The following ACAP2 variants were observed in gnomAD, a reference collection of about 807,000 sequenced individuals.
The protein encoded by ACAP2 is arf-GAP with coiled-coil, ANK repeat and PH domain-containing protein 2.
Under a neutral mutation model 115.8 loss-of-function variants are expected in ACAP2, and 39 were observed. That is an observed-to-expected ratio of 0.34 (90% CI 0.26 to 0.44). ACAP2 has a LOEUF of 0.44. ACAP2 is among the 20% of genes least tolerant of loss of function. The probability of loss-of-function intolerance (pLI) is 1.00; values close to 1 mark genes in which losing one functional copy is unlikely to be tolerated. For missense variants in ACAP2, 662 were observed against 927.6 expected (o/e 0.71, Z 3.72); for synonymous variants, 289 against 315.8 (o/e 0.92, Z 0.90).
At chr3:195,351,745 G>C (rs1731625370) in intron 4 of ACAP2, among the ~76,000 whole-genome samples, 1 of 152,172 alleles carries the variant, frequency 6.6e-6, no homozygotes, top group Non-Finnish European at 1.5e-5. Flanking sequence ...TTACAGGCGT[G>C]AGCCACCATG....
chr3:195,280,038 G>A (rs1726387787), intron 22 of ACAP2, among the ~76,000 whole-genome samples: 1 of 145,950 alleles, frequency 6.9e-6, no homozygotes. Context: ...TGGGTGCAGT[G>A]CCTCACGCCT....
At chr3:195,413,017 A>T (rs1713416099) in intron 1 of ACAP2, 1 of 304,274 alleles carries the variant, frequency 3.3e-6, no homozygotes. Context: ...GACACAGAGT[A>T]ACAGAAGATT....
intron 2 of ACAP2, among the ~76,000 whole-genome samples, chr3:195,384,281 C>A (rs1734141474): frequency 6.6e-6 from 1 of 152,028 alleles, no homozygotes; most frequent in African/African-American, 2.4e-5. Flanking sequence ...TACAATTCAA[C>A]CATTTTTTAA....
At chr3:195,426,191 G>A (rs1714673468) in intron 1 of ACAP2, among the ~76,000 whole-genome samples, 1 of 152,132 alleles carries the variant, frequency 6.6e-6, no homozygotes, top group Non-Finnish European at 1.5e-5. Flanking sequence ...GTTCCTTGAA[G>A]ATCAAGCTCC....
chr3:195,376,600 C>T (rs1733560249), intron 4 of ACAP2, among the ~76,000 whole-genome samples: 1 of 152,008 alleles, frequency 6.6e-6, no homozygotes, highest in African/African-American at 2.4e-5. Context: ...AGGATATTCT[C>T]ATTCTAAAAG....
intron 1 of ACAP2, among the ~76,000 whole-genome samples, chr3:195,433,473 A>C (rs576995848): frequency 6.6e-6 from 1 of 152,250 alleles, no homozygotes; most frequent in East Asian, 1.9e-4. Flanking sequence ...CTCTGGCTCT[A>C]TCCTCTGCTA....
intron 10 of ACAP2, among the ~76,000 whole-genome samples, chr3:195,309,827 CA>C (rs1273166547): frequency 6.6e-6 from 1 of 151,932 alleles, no homozygotes; most frequent in Non-Finnish European, 1.5e-5. Context: ...ATTAGACAAA[CA>C]ATTTACTTAC....
chr3:195,424,017 C>T (rs969133921), intron 1 of ACAP2, among the ~76,000 whole-genome samples: 1 of 151,830 alleles, frequency 6.6e-6, no homozygotes, highest in Non-Finnish European at 1.5e-5. Context: ...ACATAGCATG[C>T]ATATCCACAA....
At chr3:195,311,090 T>C (rs1248923038) in intron 10 of ACAP2, among the ~76,000 whole-genome samples, 3 of 120,764 alleles carry the variant, frequency 2.5e-5, no homozygotes, top group African/African-American at 9.6e-5. Flanking sequence ...TGTGGTTTTT[T>C]TGTTTTTTTT....
At chr3:195,381,375 C>T (rs957790934) in intron 3 of ACAP2, among the ~76,000 whole-genome samples, 6 of 152,090 alleles carry the variant, frequency 3.9e-5, no homozygotes, top group Non-Finnish European at 8.8e-5. Flanking sequence ...CCCATGTAGG[C>T]ATCTAGAATC....
chr3:195,288,328 G>A (rs1325833192), intron 21 of ACAP2, among the ~76,000 whole-genome samples: 2 of 152,084 alleles, frequency 1.3e-5, no homozygotes, highest in African/African-American at 2.4e-5. Flanking sequence ...GAGTTGTTGT[G>A]AGAACCAAAT....
intron 12 of ACAP2, 53 bp downstream of exon 12, chr3:195,307,170 A>C: frequency 1.4e-6 from 2 of 1,452,560 alleles, no homozygotes; most frequent in Middle Eastern, 1.8e-4. Context: ...AAGTTATTTA[A>C]GACAAACTAT....
In ACAP2 at chr3:195,361,050, C is replaced by T. The variant is rs180718474; in HGVS notation, c.286-15733G>A. 1.1e-4 allele frequency among the ~76,000 whole-genome samples: 16 copies of T among 145,236 alleles called. No homozygotes were observed. The East Asian group carries it at 3.2e-3, about 29-fold the overall frequency. On this transcript the variant is annotated intron_variant, in intron 4 of 22. Transcript: ENST00000326793. ...CTTCTCCGACCACAATGGAATAAAA[C>T]TGGAAATAATGAGGAATTTTGGAAA...
intron 1 of ACAP2, among the ~76,000 whole-genome samples, chr3:195,413,097 C>T (rs973243037): frequency 6.6e-6 from 1 of 152,026 alleles, no homozygotes; most frequent in South Asian, 2.1e-4. Context: ...TGTCATATTC[C>T]ACAGTTAAAT....
intron 4 of ACAP2, chr3:195,349,554 T>A (rs1029948628): frequency 2.6e-5 from 4 of 152,510 alleles, no homozygotes; most frequent in African/African-American, 9.7e-5. Flanking sequence ...TGACAAAAAA[T>A]ATGCAAGACT....
At chr3:195,399,788 T>C (rs985499739) in intron 1 of ACAP2, among the ~76,000 whole-genome samples, 2 of 152,058 alleles carry the variant, frequency 1.3e-5, no homozygotes, top group African/African-American at 4.8e-5. Context: ...AATATCACAC[T>C]CTTAAGTCAT....
At chr3:195,381,832 T>C (rs1733958423) in intron 3 of ACAP2, 71 bp downstream of exon 3, 2 of 1,514,858 alleles carry the variant, frequency 1.3e-6, no homozygotes, top group Admixed American at 4.4e-5. Flanking sequence ...ATCAGGTAGA[T>C]GAATGCACAA....
rs34643420 is a variant in ACAP2, at chr3:195,295,897, C to T, written c.1488-5G>A. On this transcript the variant is annotated splice_region_variant and splice_polypyrimidine_tract_variant and intron_variant, in intron 16 of 22. Coordinates refer to ENST00000326793, the MANE Select transcript of ACAP2 (RefSeq NM_012287.6). ...ATATATGCCTCCTTCTCCTGTCTGA[C>T]AGACATAAAAATGTCATGATGTTTT... 0.024 allele frequency: 37,724 copies of T among 1,602,062 alleles called. 1,261 individuals are homozygous for T. Among genetic ancestry groups the T allele is most frequent in the Admixed American group, 0.099 (5,718 of 58,006 alleles).
At chr3:195,336,547 G>A (rs1450719952) in intron 7 of ACAP2, 3 of 157,504 alleles carry the variant, frequency 1.9e-5, no homozygotes, top group African/African-American at 7.2e-5. Flanking sequence ...AAGTGTAACA[G>A]TTTTTTATGT....
Sources: allele counts gnomAD v4.1 joint callset (sites outside exome capture counted in the v4.1 genomes callset), GRCh38; gene constraint gnomAD v4.1.1; transcripts MANE v1.5; gene names NCBI Gene and HGNC (gene_info 2026-07-23, HGNC 2026-07-21).